The following TXK variants were observed in gnomAD, a reference collection of about 807,000 sequenced individuals.
The protein encoded by TXK is TXK tyrosine kinase.
In TXK, 60 loss-of-function variants were observed where a neutral mutation model predicts 81.0. That is an observed-to-expected ratio of 0.74 (90% CI 0.60 to 0.92). The LOEUF is 0.92. TXK is among the 40% of genes least tolerant of loss of function. The pLI is 0.00. For synonymous variants in TXK, 203 were observed against 210.7 expected (o/e 0.96, Z 0.32); for missense variants, 581 against 638.3 (o/e 0.91, Z 0.97).
At chr4:48,079,090 C>T (rs757525244) in intron 11 of TXK, among the ~76,000 whole-genome samples, 12 of 152,192 alleles carry the variant, frequency 7.9e-5, no homozygotes, top group Non-Finnish European at 1.6e-4. Context: ...TGACTGAGAA[C>T]CTAACTGACT....
intron 1 of TXK, among the ~76,000 whole-genome samples, chr4:48,127,160 C>T (rs956407833): frequency 2.0e-5 from 3 of 152,186 alleles, no homozygotes; most frequent in African/African-American, 7.2e-5. Context: ...CTCTGCCCAG[C>T]AGAGTTGCTG....
At position 48,090,795 on chromosome 4, in the gene TXK, G is replaced by A. The variant is rs189537013; in HGVS notation, c.710-971C>T. Among the ~76,000 whole-genome samples the A allele has an allele frequency of 1.2e-4, 18 of 152,284 alleles. No homozygotes were observed. In the East Asian group the frequency reaches 1.5e-3, roughly 13 times the overall value. On this transcript the variant is annotated intron_variant, in intron 8 of 14. Transcript: ENST00000264316. ...ATGATGATTAAGTGCAAGGCAGACC[G>A]GATAACATATAATTACTTTAGAGTG... is the stretch of plus-strand genomic sequence containing the variant.
intron 1 of TXK, among the ~76,000 whole-genome samples, chr4:48,131,311 T>C (rs1308762477): frequency 3.5e-5 from 5 of 142,594 alleles, no homozygotes; most frequent in East Asian, 4.7e-4. Flanking sequence ...CTAACAAACA[T>C]ATAAACTTTT....
chr4:48,089,509 G>T, intron 9 of TXK: 1 of 318,034 alleles, frequency 3.1e-6, no homozygotes, highest in South Asian at 3.9e-5. Flanking sequence ...TCCTGCCTCA[G>T]CCTCCCAAGT....
intron 11 of TXK, among the ~76,000 whole-genome samples, chr4:48,078,417 T>C (rs1046172376): frequency 3.3e-5 from 5 of 152,226 alleles, no homozygotes; most frequent in African/African-American, 1.2e-4. Flanking sequence ...TCATGTGTGA[T>C]GGAAGCACAG....
chr4:48,109,505 A>T (rs1469254786), intron 5 of TXK: 1 of 152,216 alleles, frequency 6.6e-6, no homozygotes, highest in Non-Finnish European at 1.5e-5. Flanking sequence ...AATGGCTCCA[A>T]TAGAGACAGG....
At position 48,067,663 on chromosome 4, in the gene TXK, C is replaced by T; in HGVS notation, c.1558G>A (p.Val520Ile). ...CACCAGGTTTCCGCAATCTCTGTGA[C>T]AGCCCGCAGCAGCTCGGCAAATGTA... ...RPTFAELLRA[V>I]TEIAETW The change falls in exon 15 of 15, where the codon GTC becomes ATC. Residue 520 changes from valine to isoleucine, a missense_variant. Physicochemically the swap from Val to Ile is conservative, Grantham distance 29. Transcript: ENST00000264316. 3 of 1,614,094 alleles carry T rather than the reference C, an allele frequency of 1.9e-6. No homozygotes were observed. The highest frequency in any genetic ancestry group is 2.2e-5 in the South Asian group (2 of 91,080).
intron 13 of TXK, among the ~76,000 whole-genome samples, chr4:48,073,368 T>A (rs530074164): frequency 1.3e-5 from 2 of 152,200 alleles, no homozygotes; most frequent in Non-Finnish European, 2.9e-5. Context: ...CGAAACTTCA[T>A]TGGACGTGGG....
chr4:48,094,280 G>A, intron 7 of TXK, 76 bp from the exon 8 acceptor site: 1 of 1,533,054 alleles, frequency 6.5e-7, no homozygotes, highest in Admixed American at 1.7e-5. Flanking sequence ...TAAACAACAG[G>A]ACTCCAGTTC....
intron 12 of TXK, among the ~76,000 whole-genome samples, chr4:48,075,081 G>A (rs1325084884): frequency 6.6e-6 from 1 of 151,944 alleles, no homozygotes; most frequent in Non-Finnish European, 1.5e-5. Flanking sequence ...CCAAAAAGAG[G>A]AATGGGGGAA....
intron 6 of TXK, among the ~76,000 whole-genome samples, chr4:48,097,199 G>A (rs527553232): frequency 1.3e-5 from 2 of 151,984 alleles, no homozygotes; most frequent in South Asian, 4.2e-4. Context: ...ACTAAATAAT[G>A]GTGAAAATCA....
intron 13 of TXK, 119 bp from the exon 14 acceptor site, chr4:48,071,793 T>A (rs1716869724): frequency 1.7e-6 from 2 of 1,143,400 alleles, no homozygotes; most frequent in East Asian, 2.4e-5. Flanking sequence ...GCTATAACCA[T>A]CCTGAATAAC....
At chr4:48,133,161 A>T (rs992578247) in intron 1 of TXK, among the ~76,000 whole-genome samples, 1 of 152,202 alleles carries the variant, frequency 6.6e-6, no homozygotes, top group African/African-American at 2.4e-5. Context: ...ACCTTTATAA[A>T]GAAACAAACA....
chr4:48,118,249 A>G (rs989857289), intron 1 of TXK, among the ~76,000 whole-genome samples: 2 of 152,250 alleles, frequency 1.3e-5, no homozygotes, highest in African/African-American at 2.4e-5. Flanking sequence ...AGGCTATAGT[A>G]CAATGGCTAT....
chr4:48,083,303 G>A (rs1363545945), intron 10 of TXK, among the ~76,000 whole-genome samples: 1 of 152,240 alleles, frequency 6.6e-6, no homozygotes, highest in Non-Finnish European at 1.5e-5. Context: ...CACCTCTGTT[G>A]CATGTCCTGC....
Position 48,089,720 on chromosome 4 carries a change from A to G in TXK, c.784+30T>C, listed in dbSNP as rs768884010. On this transcript the variant is annotated intron_variant, in intron 9 of 14. Coordinates refer to ENST00000264316, the MANE Select transcript of TXK (RefSeq NM_003328.3). ...TAGATTCTTTACTACTGGATTTGCT[A>G]TTTTACTTCAGCATGTGTGCACACT... The G allele has an allele frequency of 2.5e-6, 4 of 1,588,608 alleles. No individual in the cohort carries two copies. In the South Asian group the frequency reaches 4.4e-5, roughly 18 times the overall value.
chr4:48,114,306 A>G, intron 2 of TXK, 42 bp downstream of exon 2: 1 of 1,597,204 alleles, frequency 6.3e-7, no homozygotes, highest in Non-Finnish European at 8.6e-7. Flanking sequence ...AAGAAACGGA[A>G]TTAATTAATT....
chr4:48,094,593 A>G (rs901007124), intron 7 of TXK, among the ~76,000 whole-genome samples: 4 of 152,352 alleles, frequency 2.6e-5, no homozygotes, highest in Admixed American at 2.6e-4. Context: ...TTAGTAGGTT[A>G]CTACTATGGG....
chr4:48,099,648 C>T (rs1577667451), intron 6 of TXK, among the ~76,000 whole-genome samples: 1 of 152,206 alleles, frequency 6.6e-6, no homozygotes, highest in East Asian at 1.9e-4. Flanking sequence ...ATGAGGGAGG[C>T]TAGCCACACT....
Sources: allele counts gnomAD v4.1 joint callset (sites outside exome capture counted in the v4.1 genomes callset), GRCh38; gene constraint gnomAD v4.1.1; transcripts MANE v1.5; gene names NCBI Gene and HGNC (gene_info 2026-07-23, HGNC 2026-07-21).